SGCE: variants seen among roughly 807,000 people sequenced by gnomAD.
The protein encoded by SGCE is sarcoglycan epsilon, also known as epsilon-sarcoglycan.
Under a neutral mutation model 57.8 loss-of-function variants are expected in SGCE, and 26 were observed. The observed-to-expected ratio is 0.45, with a 90% CI of 0.33 to 0.62. SGCE has a LOEUF of 0.62. SGCE is among the 20% of genes least tolerant of loss of function. The pLI, the probability that SGCE is intolerant of heterozygous loss-of-function variation, is 0.02. For synonymous variants in SGCE, 183 were observed against 189.5 expected (o/e 0.97, Z 0.28); for missense variants, 468 against 548.6 (o/e 0.85, Z 1.47).
At chr7:94,599,635 T>G (rs886083361) in intron 8 of SGCE, 62 bp downstream of exon 8, 1 of 1,304,964 alleles carries the variant, frequency 7.7e-7, no homozygotes, top group African/African-American at 1.5e-5. Context: ...GTATGGAGCA[T>G]GATGGGCAAC....
In SGCE at chr7:94,655,944, C is replaced by A. The variant is rs756105333; in HGVS notation, c.109+46G>T. ...ACCCGAGCGGGGGAGGGGGAGGCGG[C>A]GGCCTGTTGGCCCCGGGACCTCCAC... On this transcript the variant is annotated intron_variant, in intron 1 of 10. Coordinates refer to ENST00000648936, the MANE Select transcript of SGCE (RefSeq NM_003919.3). 6.4e-6 allele frequency: 8 copies of A among 1,245,284 alleles called. No homozygotes were observed. In the East Asian group the frequency reaches 1.6e-4, roughly 26 times the overall value. 77.1% of individuals were successfully genotyped at this position (1,245,284 alleles called of 1,614,324 possible).
chr7:94,608,736 T>C (rs1014625176), intron 5 of SGCE, among the ~76,000 whole-genome samples: 2 of 152,106 alleles, frequency 1.3e-5, no homozygotes, highest in African/African-American at 4.8e-5. Flanking sequence ...AATAGATCAA[T>C]GAAACAGAAT....
At chr7:94,607,408 A>C (rs746710182) in intron 5 of SGCE, among the ~76,000 whole-genome samples, 18 of 152,160 alleles carry the variant, frequency 1.2e-4, no homozygotes, top group Non-Finnish European at 1.5e-4. Flanking sequence ...ATCCTCAACA[A>C]AATATTAGCA....
intron 9 of SGCE, among the ~76,000 whole-genome samples, chr7:94,593,440 G>A (rs936329671): frequency 1.3e-5 from 2 of 151,938 alleles, no homozygotes; most frequent in African/African-American, 4.8e-5. Context: ...TAAGAAAAGA[G>A]TAGTGAAGAG....
intron 3 of SGCE, chr7:94,626,700 A>G (rs917588337): frequency 3.9e-5 from 6 of 151,972 alleles, no homozygotes; most frequent in Admixed American, 6.6e-5. Context: ...TCTTTACTGT[A>G]CTGGCTGGGA....
intron 5 of SGCE, chr7:94,618,489 T>G: frequency 2.8e-6 from 1 of 358,358 alleles, no homozygotes; most frequent in South Asian, 4.7e-5. Flanking sequence ...AGCTTCTTAA[T>G]GGAAGGTACA....
chr7:94,642,227 G>T (rs1473354946), intron 1 of SGCE, among the ~76,000 whole-genome samples: 1 of 152,030 alleles, frequency 6.6e-6, no homozygotes, highest in Non-Finnish European at 1.5e-5. Context: ...TCTACTAAAT[G>T]ACCAATCTTA....
At chr7:94,631,532 G>A (rs964151667) in intron 1 of SGCE, among the ~76,000 whole-genome samples, 4 of 151,932 alleles carry the variant, frequency 2.6e-5, no homozygotes, top group African/African-American at 9.7e-5. Flanking sequence ...TATGGAAGAA[G>A]TGGAATTCAA....
At chr7:94,623,478 A>G (rs1373404108) in intron 3 of SGCE, 81 bp from the exon 4 acceptor site, 3 of 891,370 alleles carry the variant, frequency 3.4e-6, no homozygotes, top group Non-Finnish European at 5.5e-6. Context: ...AATGAAAACA[A>G]ATTGTCATTC....
intron 3 of SGCE, chr7:94,626,749 C>G (rs1406082258): frequency 6.6e-6 from 1 of 151,938 alleles, no homozygotes; most frequent in Admixed American, 6.6e-5. Context: ...CAGACAGAGT[C>G]ATTCTTGTTT....
In SGCE at chr7:94,585,396, C is replaced by A; in HGVS notation, c.*103G>T. On this transcript the variant is annotated 3_prime_UTR_variant, in exon 11 of 11. Transcript: ENST00000648936. ...CACTTAATACTGCCAACATGCATAA[C>A]ATATGCCAGAAAAGCTCATGCATTA... 9.9e-7 allele frequency: 1 copy of A among 1,008,780 alleles called. No homozygotes were observed. The highest frequency in any genetic ancestry group is 1.6e-6 in the Non-Finnish European group (1 of 629,886). The allele number at this position is 1,008,780 out of a possible 1,614,324, so 62.5% of individuals were successfully genotyped here.
intron 9 of SGCE, chr7:94,589,824 G>C (rs1797429366): frequency 5.7e-6 from 1 of 176,682 alleles, no homozygotes; most frequent in East Asian, 1.7e-4. Context: ...ATTATGGTGA[G>C]TTATATAATA....
chr7:94,640,088 C>A (rs906092180), intron 1 of SGCE, among the ~76,000 whole-genome samples: 8 of 151,946 alleles, frequency 5.3e-5, no homozygotes, highest in Admixed American at 2.0e-4. Flanking sequence ...AAAGGAGAAT[C>A]AAAGACGCCT....
chr7:94,617,248 C>A (rs1016527382), intron 5 of SGCE: 5 of 152,198 alleles, frequency 3.3e-5, no homozygotes, highest in African/African-American at 1.2e-4. Flanking sequence ...CTTTAGGTCA[C>A]AGTTTGGTTT....
At chr7:94,604,650 T>C (rs558200031) in intron 5 of SGCE, among the ~76,000 whole-genome samples, 6 of 151,602 alleles carry the variant, frequency 4.0e-5, no homozygotes, top group African/African-American at 1.5e-4. Flanking sequence ...ATAGTTGTTA[T>C]AACTAATGGT....
chr7:94,585,332 C>A lies in SGCE; in HGVS notation c.*167G>T. 1.8e-6 allele frequency: 1 copy of A among 556,672 alleles called. No individual in the cohort carries two copies. Among genetic ancestry groups the A allele is most frequent in the Non-Finnish European group, 3.2e-6 (1 of 312,682 alleles). The allele number at this position is 556,672 out of a possible 1,614,324, so 34.5% of individuals were successfully genotyped here. ...AAAATGCTTTAAGTACAAAAAAATA[C>A]ATTAGTAAAATGAAAGTTATGTTGT... On this transcript the variant is annotated 3_prime_UTR_variant, in exon 11 of 11. Transcript: ENST00000648936.
chr7:94,635,884 C>T (rs545267314), intron 1 of SGCE, among the ~76,000 whole-genome samples: 54 of 152,158 alleles, frequency 3.5e-4, no homozygotes, highest in Non-Finnish European at 7.5e-4. Flanking sequence ...ATTCACTCAA[C>T]ATCAAAGTAC....
At chr7:94,621,224 T>A (rs369593731) in intron 4 of SGCE, 1 of 152,216 alleles carries the variant, frequency 6.6e-6, no homozygotes, top group Non-Finnish European at 1.5e-5. Context: ...ACTGCACATA[T>A]ACATTTCTGT....
At chr7:94,596,921 C>A (rs558290469) in intron 9 of SGCE, among the ~76,000 whole-genome samples, 15 of 152,138 alleles carry the variant, frequency 9.9e-5, no homozygotes, top group East Asian at 9.6e-4. Context: ...AGTACAAATT[C>A]TTTTCATTTT....
Sources: gnomAD v4.1 joint callset for allele counts (sites outside exome capture counted in the v4.1 genomes callset) on GRCh38, gnomAD v4.1.1 for gene constraint, MANE v1.5 for transcripts, NCBI Gene and HGNC (gene_info 2026-07-23, HGNC 2026-07-21) for gene names.